GRID2: variants seen among roughly 807,000 people sequenced by gnomAD.
The protein encoded by GRID2 is glutamate receptor ionotropic, delta-2.
GRID2 carries 33 observed loss-of-function variants against 114.8 expected under a neutral mutation model. The observed-to-expected ratio is 0.29, with a 90% confidence interval of 0.22 to 0.38. The LOEUF is 0.38. Among genes scored for constraint, GRID2 ranks in the 10% least tolerant of loss-of-function variants. The pLI is 1.00. For synonymous variants in GRID2, 505 were observed against 449.9 expected (o/e 1.12, Z -1.55); for missense variants, 1,184 against 1,257.7 (o/e 0.94, Z 0.89).
intron 2 of GRID2, among the ~76,000 whole-genome samples, chr4:92,987,610 TAAGA>T (rs1560772610): frequency 6.6e-6 from 1 of 151,616 alleles, no homozygotes; most frequent in African/African-American, 2.4e-5. Context: ...AAAATAAAAA[TAAGA>T]AATAAATAAA....
At chr4:93,479,226 T>A (rs1458397810) in intron 11 of GRID2, among the ~76,000 whole-genome samples, 2 of 152,042 alleles carry the variant, frequency 1.3e-5, no homozygotes, top group Non-Finnish European at 2.9e-5. Context: ...TGCTAAAAAA[T>A]GCTGATGGAG....
chr4:93,337,644 T>G (rs901526333), intron 8 of GRID2, among the ~76,000 whole-genome samples: 1 of 152,020 alleles, frequency 6.6e-6, no homozygotes, highest in Admixed American at 6.6e-5. Context: ...ATAAGCATCC[T>G]TGAAAAGCTG....
intron 2 of GRID2, among the ~76,000 whole-genome samples, chr4:92,680,429 A>C (rs1295546786): frequency 1.3e-5 from 2 of 152,148 alleles, no homozygotes; most frequent in Non-Finnish European, 2.9e-5. Flanking sequence ...AATTGTGATC[A>C]CATGTTAAGT....
At chr4:92,883,789 A>C (rs1746181317) in intron 2 of GRID2, among the ~76,000 whole-genome samples, 1 of 152,188 alleles carries the variant, frequency 6.6e-6, no homozygotes, top group African/African-American at 2.4e-5. Flanking sequence ...ATATTCAGTA[A>C]ACCATGCTAT....
intron 10 of GRID2, among the ~76,000 whole-genome samples, chr4:93,447,768 T>A (rs2149400383): frequency 6.6e-6 from 1 of 151,982 alleles, no homozygotes; most frequent in East Asian, 1.9e-4. Context: ...CCCAATTAAT[T>A]CTGAAGAGCT....
At chr4:92,532,853 G>C (rs545082188) in intron 1 of GRID2, among the ~76,000 whole-genome samples, 2 of 152,032 alleles carry the variant, frequency 1.3e-5, no homozygotes, top group African/African-American at 2.4e-5. Context: ...CAGGAAGATT[G>C]CTTGAGCCCA....
At chr4:93,105,840 A>C (rs1434439913) in intron 3 of GRID2, among the ~76,000 whole-genome samples, 1 of 152,084 alleles carries the variant, frequency 6.6e-6, no homozygotes, top group African/African-American at 2.4e-5. Context: ...CCCAAATAAT[A>C]TGGGATAATC....
chr4:92,986,634 A>G (rs965594081), intron 2 of GRID2, among the ~76,000 whole-genome samples: 3 of 152,158 alleles, frequency 2.0e-5, no homozygotes. Context: ...ATTAATATAA[A>G]GGAATGCTGC....
chr4:92,609,000 T>A (rs529625274), intron 2 of GRID2, among the ~76,000 whole-genome samples: 3 of 151,906 alleles, frequency 2.0e-5, no homozygotes, highest in Admixed American at 1.3e-4. Flanking sequence ...ATAAAAGACA[T>A]AAATAACATT....
At chr4:93,591,518 T>C (rs1289575881) in intron 13 of GRID2, among the ~76,000 whole-genome samples, 1 of 152,194 alleles carries the variant, frequency 6.6e-6, no homozygotes, top group African/African-American at 2.4e-5. Context: ...TAAAATTCTC[T>C]TTTTTGGTTC....
intron 1 of GRID2, among the ~76,000 whole-genome samples, chr4:92,377,269 A>T (rs1425900777): frequency 6.6e-6 from 1 of 152,134 alleles, no homozygotes; most frequent in Non-Finnish European, 1.5e-5. Context: ...AGTTCCACAC[A>T]TCTCTGGGAT....
chr4:92,762,172 C>A (rs1738050062), intron 2 of GRID2, among the ~76,000 whole-genome samples: 1 of 152,106 alleles, frequency 6.6e-6, no homozygotes, highest in African/African-American at 2.4e-5. Context: ...CTCAGCCTCC[C>A]AAAGTGCTGA....
In GRID2 at chr4:93,773,241, C is replaced by G. The variant is rs1461432233; in HGVS notation, c.*743C>G. On this transcript the variant is annotated 3_prime_UTR_variant, in exon 16 of 16. Transcript: ENST00000282020. ...TATTTCATATATATACATATATATG[C>G]ACCTATATAATGTGTATATATATAA... The G allele has an allele frequency of 6.6e-6, 1 of 151,838 alleles. No homozygotes were observed. Among genetic ancestry groups the G allele is most frequent in the Non-Finnish European group, 1.5e-5 (1 of 67,852 alleles). The allele number at this position is 151,838 out of a possible 1,614,324, so 9.4% of individuals were successfully genotyped here.
At chr4:93,761,683 G>T (rs866092905) in intron 14 of GRID2, among the ~76,000 whole-genome samples, 2 of 152,164 alleles carry the variant, frequency 1.3e-5, no homozygotes, top group Middle Eastern at 6.8e-3. Context: ...CTGCCATTTG[G>T]CTCAACTAGC....
chr4:93,321,553 C>T (rs1227195699), intron 8 of GRID2, among the ~76,000 whole-genome samples: 2 of 152,028 alleles, frequency 1.3e-5, no homozygotes, highest in Admixed American at 6.6e-5. Context: ...TACACGATTT[C>T]ATGATTTCAT....
chr4:92,328,894 A>T (rs1256858642), intron 1 of GRID2, among the ~76,000 whole-genome samples: 1 of 151,932 alleles, frequency 6.6e-6, no homozygotes, highest in Non-Finnish European at 1.5e-5. Context: ...TTTCCTCTTT[A>T]TGTCCTTGTA....
chr4:92,645,165 T>A (rs1427316136), intron 2 of GRID2, among the ~76,000 whole-genome samples: 1 of 151,606 alleles, frequency 6.6e-6, no homozygotes, highest in East Asian at 1.9e-4. Flanking sequence ...TTTGAAGCAT[T>A]TGTTTTAAAA....
chr4:92,696,733 A>G (rs1180443459), intron 2 of GRID2, among the ~76,000 whole-genome samples: 2 of 152,108 alleles, frequency 1.3e-5, no homozygotes, highest in Non-Finnish European at 2.9e-5. Context: ...TTTAAGAGTG[A>G]AAAAATATTT....
intron 13 of GRID2, among the ~76,000 whole-genome samples, chr4:93,622,910 G>T (rs780941484): frequency 9.2e-5 from 14 of 151,928 alleles, no homozygotes; most frequent in Non-Finnish European, 4.4e-5. Context: ...AAAAAGTCTC[G>T]CATGTTCTTC....
Sources: gnomAD v4.1 joint callset for allele counts (sites outside exome capture counted in the v4.1 genomes callset) on GRCh38, gnomAD v4.1.1 for gene constraint, MANE v1.5 for transcripts, NCBI Gene and HGNC (gene_info 2026-07-23, HGNC 2026-07-21) for gene names.